TMEFF2: variants seen among roughly 807,000 people sequenced by gnomAD.
TMEFF2 encodes the protein tomoregulin-2.
In TMEFF2, 28 loss-of-function variants were observed where a neutral mutation model predicts 53.8. That is an observed-to-expected ratio of 0.52 (90% CI 0.39 to 0.71). TMEFF2 has a LOEUF of 0.71. TMEFF2 is among the 30% of genes least tolerant of loss of function. The pLI is 0.00. For synonymous variants in TMEFF2, 162 were observed against 166.3 expected, an observed-to-expected ratio of 0.97 and a Z score of 0.20; for missense variants, 353 against 455.2, an observed-to-expected ratio of 0.78 and a Z score of 2.04.
intron 4 of TMEFF2, among the ~76,000 whole-genome samples, chr2:192,108,534 T>C (rs1056144163): frequency 2.2e-4 from 34 of 151,950 alleles, no homozygotes. Context: ...GATTTCTAAA[T>C]TATCAAACAC....
intron 4 of TMEFF2, among the ~76,000 whole-genome samples, chr2:192,107,388 A>G (rs552837369): frequency 2.1e-4 from 32 of 151,642 alleles, no homozygotes; most frequent in Non-Finnish European, 4.6e-4. Context: ...CAGCTAGAGA[A>G]CCTGGAAAAC....
intron 5 of TMEFF2, among the ~76,000 whole-genome samples, chr2:192,016,472 C>T (rs1208395800): frequency 7.2e-5 from 11 of 152,140 alleles, no homozygotes; most frequent in African/African-American, 1.9e-4. Flanking sequence ...CCTCATCAAC[C>T]GAAACATGAG....
At chr2:192,075,285 T>TATATATATATATATATAAATA (rs1553518756) in intron 4 of TMEFF2, among the ~76,000 whole-genome samples, 1 of 65,776 alleles carries the variant, frequency 1.5e-5, no homozygotes, top group Non-Finnish European at 2.7e-5. Flanking sequence ...TACAGTACTA[T>TATATATATATATATATAAATA]TATATATATA....
At chr2:192,014,185 C>T (rs985130745) in intron 5 of TMEFF2, among the ~76,000 whole-genome samples, 1 of 151,144 alleles carries the variant, frequency 6.6e-6, no homozygotes, top group South Asian at 2.1e-4. Context: ...AAACAATGGT[C>T]CAAATAGTCC....
At chr2:192,059,592 A>G in intron 4 of TMEFF2, among the ~76,000 whole-genome samples, 1 of 152,198 alleles carries the variant, frequency 6.6e-6, no homozygotes, top group East Asian at 1.9e-4. Context: ...AAGGACCTTA[A>G]TGAACAGTGA....
rs889318659 is a variant in TMEFF2, at chr2:192,194,780, T to C, written c.-256A>G. ...CTGCGCCGGAGACGCGGGAAGCTGCTGCCATAAGGAGGGAGCTCTGGGAAG... is the reference window on the plus strand; with the variant it reads ...CTGCGCCGGAGACGCGGGAAGCTGCCGCCATAAGGAGGGAGCTCTGGGAAG... On this transcript the variant is annotated 5_prime_UTR_variant, in exon 1 of 10. Transcript: ENST00000272771. This position sits in a 1 kb window ranked among gnomAD's most constrained non-coding sequence, Gnocchi z 4.2. 2.5e-5 allele frequency: 13 copies of C among 523,336 alleles called. No homozygotes were observed. The highest frequency in any genetic ancestry group is 4.5e-5 in the Non-Finnish European group (13 of 290,056). The allele number at this position is 523,336 out of a possible 1,614,324, so 32.4% of individuals were successfully genotyped here.
intron 7 of TMEFF2, among the ~76,000 whole-genome samples, chr2:191,958,926 G>C (rs1286329115): frequency 6.6e-6 from 1 of 152,118 alleles, no homozygotes; most frequent in Non-Finnish European, 1.5e-5. Flanking sequence ...ACCACTGCTA[G>C]TAATGCAATA....
At chr2:192,167,746 T>C (rs1343172425) in intron 4 of TMEFF2, among the ~76,000 whole-genome samples, 1 of 152,116 alleles carries the variant, frequency 6.6e-6, no homozygotes, top group South Asian at 2.1e-4. Flanking sequence ...TGGCTTGAAG[T>C]TAATGGATGA....
intron 4 of TMEFF2, among the ~76,000 whole-genome samples, chr2:192,077,883 A>G (rs772179856): frequency 4.6e-5 from 7 of 152,058 alleles, no homozygotes; most frequent in East Asian, 1.9e-4. Flanking sequence ...GTCTTAAAAC[A>G]TTATTTAAAT....
rs1403021460 is a variant in TMEFF2 at position 191,950,603 on chromosome 2, G to A, written c.1029-196C>T. On this transcript the variant is annotated intron_variant, in intron 9 of 9. Coordinates refer to ENST00000272771, the MANE Select transcript of TMEFF2 (RefSeq NM_016192.4). ...TCTGTGCAGTTGTCTTTAAATTTTT[G>A]TTGGGAATTGAACACAGGCAGAAGT... The A allele has an allele frequency of 5.2e-6, 4 of 769,906 alleles. No individual in the cohort carries two copies. In the East Asian group the frequency reaches 8.0e-5, roughly 15 times the overall value. 47.7% of individuals were successfully genotyped at this position (769,906 alleles called of 1,614,324 possible). A position where few individuals can be genotyped will look rare whatever the true frequency, so the allele number is the denominator to read the frequency against.
chr2:192,173,668 TTGTGTAAC>T (rs1465907024), intron 4 of TMEFF2, among the ~76,000 whole-genome samples: 1 of 151,866 alleles, frequency 6.6e-6, no homozygotes, highest in Non-Finnish European at 1.5e-5. Flanking sequence ...CTTACCTATC[TTGTGTAAC>T]TGCATTTCCT....
intron 4 of TMEFF2, among the ~76,000 whole-genome samples, chr2:192,145,176 T>C (rs1195521456): frequency 6.6e-6 from 1 of 151,944 alleles, no homozygotes; most frequent in Non-Finnish European, 1.5e-5. Context: ...TTATTAACTT[T>C]ATTAAGTACA....
intron 4 of TMEFF2, among the ~76,000 whole-genome samples, chr2:192,101,213 C>T (rs16834198): frequency 0.068 from 10,400 of 152,136 alleles, 476 homozygotes; most frequent in East Asian, 0.18. Flanking sequence ...TCCTCAGAGT[C>T]TGATGGGCAG....
intron 4 of TMEFF2, among the ~76,000 whole-genome samples, chr2:192,158,745 C>A (rs1215436847): frequency 1.3e-5 from 2 of 152,102 alleles, no homozygotes; most frequent in African/African-American, 2.4e-5. Flanking sequence ...CAGCAACTCA[C>A]AGAATGATCC....
chr2:192,042,399 A>C (rs996295600), intron 5 of TMEFF2, among the ~76,000 whole-genome samples: 1 of 152,200 alleles, frequency 6.6e-6, no homozygotes, highest in East Asian at 1.9e-4. Flanking sequence ...TTTGAAGTGC[A>C]GTAAAGCAAA....
At chr2:192,127,781 TTG>T (rs1689712697) in intron 4 of TMEFF2, among the ~76,000 whole-genome samples, 1 of 152,234 alleles carries the variant, frequency 6.6e-6, no homozygotes, top group Non-Finnish European at 1.5e-5. Flanking sequence ...TAATATTACT[TTG>T]TGTGTTATTC....
At position 192,194,557 on chromosome 2, in the gene TMEFF2, G is replaced by A; in HGVS notation, c.-33C>T. ...TCGTGCAACTCTGCAGCAGCAAACGGCTTCCGAGGAACACAGGATCGCGGG... is the reference window on the plus strand; with the variant it reads ...TCGTGCAACTCTGCAGCAGCAAACGACTTCCGAGGAACACAGGATCGCGGG... On this transcript the variant is annotated 5_prime_UTR_variant, in exon 1 of 10. Transcript: ENST00000272771. This position sits in a 1 kb window ranked among gnomAD's most constrained non-coding sequence, Gnocchi z 4.2. 1 of 1,600,510 alleles carries A rather than the reference G, an allele frequency of 6.2e-7. No homozygotes were observed. The highest frequency in any genetic ancestry group is 8.5e-7 in the Non-Finnish European group (1 of 1,171,286).
intron 4 of TMEFF2, among the ~76,000 whole-genome samples, chr2:192,103,280 C>T (rs1246880264): frequency 6.6e-6 from 1 of 152,116 alleles, no homozygotes; most frequent in Admixed American, 6.5e-5. Context: ...TTTCCTTTCT[C>T]CACGCCCCTT....
At chr2:191,975,437 T>C (rs1227589066) in intron 7 of TMEFF2, among the ~76,000 whole-genome samples, 1 of 151,162 alleles carries the variant, frequency 6.6e-6, no homozygotes. Context: ...AACTCAAATA[T>C]CTACAAATCA....
Sources: gnomAD v4.1 joint callset for allele counts (sites outside exome capture counted in the v4.1 genomes callset) on GRCh38, gnomAD v4.1.1 for gene constraint, Gnocchi (gnomAD v3.1) non-coding constraint, MANE v1.5 for transcripts, NCBI Gene and HGNC (gene_info 2026-07-23, HGNC 2026-07-21) for gene names.